TMEM178A: variants seen among roughly 807,000 people sequenced by gnomAD.
TMEM178A encodes transmembrane protein 178A.
Under a neutral mutation model 29.1 loss-of-function variants are expected in TMEM178A, and 12 were observed. That is an observed-to-expected ratio of 0.41 (90% CI 0.26 to 0.67). TMEM178A has a LOEUF of 0.67. TMEM178A is among the 30% of genes least tolerant of loss of function. The pLI, the probability that TMEM178A is intolerant of heterozygous loss-of-function variation, is 0.29. For synonymous variants in TMEM178A, 210 were observed against 187.2 expected (o/e 1.12, Z -0.99); for missense variants, 366 against 419.1 (o/e 0.87, Z 1.11).
chr2:39,673,526 T>C (rs1158299897), intron 1 of TMEM178A, among the ~76,000 whole-genome samples: 1 of 152,238 alleles, frequency 6.6e-6, no homozygotes, highest in African/African-American at 2.4e-5. Context: ...GGATGTAATA[T>C]ATTCCCTTTT....
In TMEM178A at chr2:39,666,045, C is replaced by A; in HGVS notation, c.71C>A (p.Thr24Lys). The stretch of plus-strand genomic sequence containing the variant: ...CTGTGCTCCCTGGGGCTGCTCGTCA[C>A]GGCCATCTTCACCGACCACTGGTAC... Reference protein sequence around the residue: ...LSLCSLGLLVTAIFTDHWYET... With the variant: ...LSLCSLGLLVKAIFTDHWYET... The change falls in exon 1 of 4, where the codon ACG (threonine) becomes AAG (lysine). Residue 24 changes from threonine to lysine, a missense_variant. By Grantham distance (78) the Thr-to-Lys change is moderately conservative. Transcript: ENST00000281961. 1 of 1,560,784 alleles carries A rather than the reference C, an allele frequency of 6.4e-7. No individual in the cohort carries two copies. The highest frequency in any genetic ancestry group is 8.6e-7 in the Non-Finnish European group (1 of 1,157,138).
chr2:39,735,162 T>A, the TMEM178A span, among the ~76,000 whole-genome samples: 7 of 152,324 alleles, frequency 4.6e-5, no homozygotes, highest in South Asian at 1.5e-3. Flanking sequence ...CCCCATCTCA[T>A]CTAATATACC....
At chr2:39,669,398 A>G (rs780313403) in intron 1 of TMEM178A, among the ~76,000 whole-genome samples, 1 of 152,240 alleles carries the variant, frequency 6.6e-6, no homozygotes, top group Admixed American at 6.5e-5. Context: ...GAAACATGCA[A>G]TGTGGGCAAT....
chr2:39,696,318 G>T (rs368266782), intron 1 of TMEM178A, among the ~76,000 whole-genome samples: 1 of 152,306 alleles, frequency 6.6e-6, no homozygotes, highest in African/African-American at 2.4e-5. Flanking sequence ...GTGCACTTGG[G>T]TTAATCTGTG....
At chr2:39,676,974 A>G (rs1670655984) in intron 1 of TMEM178A, among the ~76,000 whole-genome samples, 1 of 152,196 alleles carries the variant, frequency 6.6e-6, no homozygotes, top group South Asian at 2.1e-4. Context: ...GGTTGGTTCT[A>G]AGGAGGCTTA....
At chr2:39,701,427 G>GT (rs978285336) in intron 1 of TMEM178A, among the ~76,000 whole-genome samples, 82 of 151,912 alleles carry the variant, frequency 5.4e-4, no homozygotes, top group African/African-American at 1.7e-3. Flanking sequence ...ATCTTTCAAA[G>GT]TTTTTTTTGT....
the TMEM178A span, among the ~76,000 whole-genome samples, chr2:39,729,361 A>G: frequency 6.6e-6 from 1 of 152,164 alleles, no homozygotes; most frequent in African/African-American, 2.4e-5. Flanking sequence ...TCACATCTGA[A>G]TCCAATTATC....
chr2:39,677,638 A>G (rs1670684782), intron 1 of TMEM178A, among the ~76,000 whole-genome samples: 1 of 152,076 alleles, frequency 6.6e-6, no homozygotes, highest in Non-Finnish European at 1.5e-5. Context: ...TCAGCAGTAT[A>G]TGTTTCTGTG....
At chr2:39,681,518 G>C (rs888471007) in intron 1 of TMEM178A, among the ~76,000 whole-genome samples, 1 of 152,168 alleles carries the variant, frequency 6.6e-6, no homozygotes, top group African/African-American at 2.4e-5. Context: ...GAGGGGGAGA[G>C]AGACACCTCC....
At chr2:39,674,137 G>T (rs1286915017) in intron 1 of TMEM178A, among the ~76,000 whole-genome samples, 1 of 152,210 alleles carries the variant, frequency 6.6e-6, no homozygotes, top group Non-Finnish European at 1.5e-5. Context: ...AAACAGATAG[G>T]CTGAACTAAG....
In TMEM178A at chr2:39,666,364, C is replaced by T. The variant is rs201650119; in HGVS notation, c.390C>T (p.Leu130=). Residue 130 remains leucine, a synonymous_variant, in exon 1 of 4, where the codon CTC becomes CTT. Transcript: ENST00000281961. The part of the protein sequence containing the change: ...FLGIDRDIDT[L]ILKGIAQRCT... ...GCATCGACCGGGACATCGACACCCT[C>T]ATCCTGAAAGGTGAGCGGCGGGCGC... 67 of 1,419,704 alleles carry T rather than the reference C, an allele frequency of 4.7e-5. No individual in the cohort carries two copies. The East Asian group carries it at 8.3e-4, about 18-fold the overall frequency. The allele number at this position is 1,419,704 out of a possible 1,614,324, so 87.9% of individuals were successfully genotyped here. A position where few individuals can be genotyped will look rare whatever the true frequency, so the allele number is the denominator to read the frequency against.
downstream of TMEM178A, among the ~76,000 whole-genome samples, chr2:39,722,326 G>GA (rs1195383910): frequency 7.9e-5 from 12 of 152,088 alleles, no homozygotes; most frequent in Admixed American, 3.3e-4. Flanking sequence ...ATAATTTGGG[G>GA]AAAAGGGGAA....
At chr2:39,686,374 A>G (rs1195350133) in intron 1 of TMEM178A, among the ~76,000 whole-genome samples, 1 of 152,222 alleles carries the variant, frequency 6.6e-6, no homozygotes, top group East Asian at 1.9e-4. Flanking sequence ...GGATGTTGCC[A>G]GAGAGTTTTT....
the TMEM178A span, among the ~76,000 whole-genome samples, chr2:39,733,384 G>A: frequency 2.0e-5 from 3 of 152,320 alleles, no homozygotes; most frequent in South Asian, 2.1e-4. Flanking sequence ...GCAGCTGAAC[G>A]TGAAGGATGC....
At chr2:39,674,134 T>C (rs1382741717) in intron 1 of TMEM178A, among the ~76,000 whole-genome samples, 1 of 152,192 alleles carries the variant, frequency 6.6e-6, no homozygotes, top group Non-Finnish European at 1.5e-5. Flanking sequence ...GAAAAACAGA[T>C]AGGCTGAACT....
At chr2:39,730,617 G>A in the TMEM178A span, among the ~76,000 whole-genome samples, 3 of 152,134 alleles carry the variant, frequency 2.0e-5, no homozygotes, top group Non-Finnish European at 4.4e-5. Flanking sequence ...TGGTGGTGGT[G>A]GTGTGGTCGT....
chr2:39,689,977 A>G (rs1304599612), intron 1 of TMEM178A, among the ~76,000 whole-genome samples: 1 of 152,116 alleles, frequency 6.6e-6, no homozygotes, highest in African/African-American at 2.4e-5. Flanking sequence ...TTGGCCTGTG[A>G]TTTTTCCAGT....
intron 1 of TMEM178A, among the ~76,000 whole-genome samples, chr2:39,667,533 G>A (rs753254228): frequency 2.6e-5 from 4 of 152,054 alleles, no homozygotes; most frequent in Non-Finnish European, 4.4e-5. Context: ...TTAATATTTA[G>A]TAGCCATGTA....
At chr2:39,675,026 G>T (rs1670558202) in intron 1 of TMEM178A, among the ~76,000 whole-genome samples, 1 of 152,138 alleles carries the variant, frequency 6.6e-6, no homozygotes, top group African/African-American at 2.4e-5. Context: ...ACAAAACCTG[G>T]CATACCAGCT....
Sources: allele counts gnomAD v4.1 joint callset (sites outside exome capture counted in the v4.1 genomes callset), GRCh38; gene constraint gnomAD v4.1.1; transcripts MANE v1.5; gene names NCBI Gene and HGNC (gene_info 2026-07-23, HGNC 2026-07-21).